The following CEP63 variants were observed in gnomAD, a reference collection of about 807,000 sequenced individuals.
CEP63 encodes centrosomal protein 63.
CEP63 carries 84 observed loss-of-function variants against 89.1 expected under a neutral mutation model. The observed-to-expected ratio is 0.94, with a 90% CI of 0.79 to 1.13. The LOEUF (loss-of-function observed/expected upper bound fraction) is 1.13, where lower values mean the gene tolerates loss of function less well. Among genes scored for constraint, CEP63 ranks in the 50% most tolerant of loss-of-function variants. The pLI is 0.00. For synonymous variants in CEP63, 267 were observed against 272.5 expected (o/e 0.98, Z 0.20); for missense variants, 838 against 813.3 (o/e 1.03, Z -0.37).
the CEP63 span, among the ~76,000 whole-genome samples, chr3:134,666,627 C>A: frequency 6.6e-6 from 1 of 152,090 alleles, no homozygotes; most frequent in Non-Finnish European, 1.5e-5. Flanking sequence ...GGGGTGGAGG[C>A]CCTTCATCAA....
chr3:134,616,150 A>C, the CEP63 span, among the ~76,000 whole-genome samples: 1 of 152,248 alleles, frequency 6.6e-6, no homozygotes, highest in East Asian at 1.9e-4. Flanking sequence ...TGAGGCAAAA[A>C]GAGAGACATT....
Position 134,559,266 on chromosome 3 carries a change from G to C in CEP63, c.1790G>C (p.Ser597Thr). 6.2e-7 allele frequency: 1 copy of C among 1,614,144 alleles called. No homozygotes were observed. The highest frequency in any genetic ancestry group is 8.5e-7 in the Non-Finnish European group (1 of 1,180,018). ...DSINPMSRVL[S>T]PLSPQISPCS... ...ATAAACCCCATGTCTAGGGTGCTAA[G>C]CCCCCTGAGTCCTCAAATCAGCCCT... Residue 597 changes from serine (S) to threonine (T), a missense_variant, in exon 14 of 15, where the codon AGC (serine) becomes ACC (threonine). By Grantham distance (58) the Ser-to-Thr change is moderately conservative. Coordinates refer to ENST00000675561, the MANE Select transcript of CEP63 (RefSeq NM_001353108.3).
chr3:134,622,327 A>T, the CEP63 span, among the ~76,000 whole-genome samples: 1 of 152,262 alleles, frequency 6.6e-6, no homozygotes, highest in East Asian at 1.9e-4. Context: ...CATGAATGAA[A>T]GGATAAATAA....
intron 3 of CEP63, among the ~76,000 whole-genome samples, chr3:134,528,823 G>T (rs1949273888): frequency 6.6e-6 from 1 of 152,034 alleles, no homozygotes; most frequent in Non-Finnish European, 1.5e-5. Flanking sequence ...TCTAATTTTG[G>T]ATCTTCTGGT....
At chr3:134,542,642 A>G (rs975936077) in intron 6 of CEP63, among the ~76,000 whole-genome samples, 1 of 152,114 alleles carries the variant, frequency 6.6e-6, no homozygotes, top group Admixed American at 6.5e-5. Context: ...TCTCTGGGAG[A>G]GTCATTTTCT....
chr3:134,737,012 G>A, the CEP63 span, among the ~76,000 whole-genome samples: 7 of 152,172 alleles, frequency 4.6e-5, no homozygotes, highest in African/African-American at 1.4e-4. Flanking sequence ...ACATATATGG[G>A]AAAGTTGCTT....
At chr3:134,493,633 A>G (rs1938546418) in intron 1 of CEP63, among the ~76,000 whole-genome samples, 1 of 151,928 alleles carries the variant, frequency 6.6e-6, no homozygotes, top group Non-Finnish European at 1.5e-5. Flanking sequence ...CAGTGGTTCT[A>G]TTTTCCAGTC....
chr3:134,530,226 A>G (rs551262487), intron 3 of CEP63, among the ~76,000 whole-genome samples: 1 of 152,326 alleles, frequency 6.6e-6, no homozygotes, highest in East Asian at 1.9e-4. Context: ...TGCTTTCTGG[A>G]AAAGTCATGT....
chr3:134,652,727 A>G, the CEP63 span, among the ~76,000 whole-genome samples: 1 of 152,208 alleles, frequency 6.6e-6, no homozygotes, highest in East Asian at 1.9e-4. Context: ...AGAACTATGC[A>G]TTATGCAAAG....
At chr3:134,547,544 G>A in intron 9 of CEP63, 72 bp downstream of exon 9, 1 of 1,166,916 alleles carries the variant, frequency 8.6e-7, no homozygotes, top group African/African-American at 1.5e-5. Flanking sequence ...TATTGTAAAT[G>A]AATGTAATAG....
the CEP63 span, chr3:134,627,673 A>C: frequency 2.4e-6 from 3 of 1,257,866 alleles, no homozygotes; most frequent in South Asian, 3.7e-5. Flanking sequence ...TGGCCCAGGA[A>C]GCAACTGTCA....
the CEP63 span, among the ~76,000 whole-genome samples, chr3:134,760,656 C>G: frequency 6.6e-6 from 1 of 152,230 alleles, no homozygotes; most frequent in African/African-American, 2.4e-5. Flanking sequence ...ATGACAATGA[C>G]ATGATGCTGG....
chr3:134,488,250 A>T (rs1936343000), intron 1 of CEP63, among the ~76,000 whole-genome samples: 1 of 152,214 alleles, frequency 6.6e-6, no homozygotes, highest in South Asian at 2.1e-4. Flanking sequence ...ATGCCTGATG[A>T]TCTGAGGTGG....
chr3:134,732,344 C>T, the CEP63 span, among the ~76,000 whole-genome samples: 1 of 152,126 alleles, frequency 6.6e-6, no homozygotes, highest in Non-Finnish European at 1.5e-5. Context: ...CAAAATGTTT[C>T]CTTCTGAATT....
chr3:134,614,693 G>A, the CEP63 span, among the ~76,000 whole-genome samples: 3 of 152,154 alleles, frequency 2.0e-5, no homozygotes. Flanking sequence ...GTGTGTTCCA[G>A]TTTGGTGCAC....
the CEP63 span, among the ~76,000 whole-genome samples, chr3:134,668,411 G>A: frequency 2.0e-5 from 3 of 152,106 alleles, no homozygotes; most frequent in South Asian, 2.1e-4. Flanking sequence ...TGTCTACCTC[G>A]GCCTGAAGAG....
At chr3:134,578,771 G>A (rs1349669127), downstream of CEP63, among the ~76,000 whole-genome samples, 1 of 151,958 alleles carries the variant, frequency 6.6e-6, no homozygotes, top group Non-Finnish European at 1.5e-5. Context: ...TTTTTTTCTT[G>A]TAAATTTGTT....
the CEP63 span, among the ~76,000 whole-genome samples, chr3:134,648,209 CGAG>C: frequency 1.3e-5 from 2 of 152,158 alleles, no homozygotes; most frequent in African/African-American, 4.8e-5. Context: ...CCTTGGTGGC[CGAG>C]GAGGTTTCCT....
At chr3:134,616,836 T>C in the CEP63 span, among the ~76,000 whole-genome samples, 1 of 152,014 alleles carries the variant, frequency 6.6e-6, no homozygotes, top group South Asian at 2.1e-4. Context: ...AAAGACAAGA[T>C]AGGTCAAAAA....
Sources: gnomAD v4.1 joint callset for allele counts (sites outside exome capture counted in the v4.1 genomes callset) on GRCh38, gnomAD v4.1.1 for gene constraint, MANE v1.5 for transcripts, NCBI Gene and HGNC (gene_info 2026-07-23, HGNC 2026-07-21) for gene names.